The following ATP10B variants were observed in gnomAD, a reference collection of about 807,000 sequenced individuals.
The protein encoded by ATP10B is phospholipid-transporting ATPase VB.
ATP10B carries 122 observed loss-of-function variants against 141.2 expected under a neutral mutation model. That is an observed-to-expected ratio of 0.86 (90% CI 0.75 to 1.00). The LOEUF is 1.00. Ranked by LOEUF, ATP10B falls within the 50% of genes least tolerant of loss-of-function variation. The pLI, the probability that ATP10B is intolerant of heterozygous loss-of-function variation, is 0.00. For missense variants in ATP10B, 1,876 were observed against 1,825.3 expected, an observed-to-expected ratio of 1.03 and a Z score of -0.51; for synonymous variants, 685 against 692.0, an observed-to-expected ratio of 0.99 and a Z score of 0.16.
intron 7 of ATP10B, among the ~76,000 whole-genome samples, chr5:160,656,634 T>G (rs540101082): frequency 6.6e-6 from 1 of 152,328 alleles, no homozygotes; most frequent in African/African-American, 2.4e-5. Flanking sequence ...TAGCTTTTGG[T>G]TTTAATATAT....
At chr5:160,890,245 A>T in the ATP10B span, among the ~76,000 whole-genome samples, 2 of 152,354 alleles carry the variant, frequency 1.3e-5, no homozygotes, top group African/African-American at 4.8e-5. Context: ...GATGTTCTTT[A>T]TGGACTAAGT....
chr5:160,770,275 C>T lies in ATP10B; in HGVS notation c.-331+15284G>A, dbSNP rs74646564. On this transcript the variant is annotated intron_variant, in intron 2 of 25. Coordinates refer to ENST00000327245, the MANE Select transcript of ATP10B (RefSeq NM_025153.3). ...GGATGCCACTGGCTAGTTGCCCTTCCTCTGCAATTTTGTCTTTACTCTCTT... is the reference window on the plus strand; with the variant it reads ...GGATGCCACTGGCTAGTTGCCCTTCTTCTGCAATTTTGTCTTTACTCTCTT... Among the ~76,000 whole-genome samples the T allele has an allele frequency of 7.9e-3, 1,201 of 152,014 alleles. 8 individuals are homozygous for T. Among genetic ancestry groups the T allele is most frequent in the Non-Finnish European group, 0.013 (856 of 67,962 alleles).
intron 22 of ATP10B, among the ~76,000 whole-genome samples, chr5:160,598,179 C>T (rs1279961254): frequency 6.6e-6 from 1 of 151,646 alleles, no homozygotes; most frequent in African/African-American, 2.4e-5. Context: ...AAATGTGGCA[C>T]ATATACACCA....
chr5:160,738,800 A>T (rs1329799415), intron 2 of ATP10B, among the ~76,000 whole-genome samples: 1 of 152,194 alleles, frequency 6.6e-6, no homozygotes, highest in Non-Finnish European at 1.5e-5. Context: ...TAAGAATTTC[A>T]TGTAACATTT....
At chr5:160,620,110 C>T (rs913853885) in intron 15 of ATP10B, among the ~76,000 whole-genome samples, 1 of 152,202 alleles carries the variant, frequency 6.6e-6, no homozygotes, top group African/African-American at 2.4e-5. Context: ...TGTTTATCTG[C>T]TACAAGACTG....
chr5:160,881,659 A>G, the ATP10B span, among the ~76,000 whole-genome samples: 1 of 152,206 alleles, frequency 6.6e-6, no homozygotes, highest in East Asian at 1.9e-4. Context: ...AAAAATATAA[A>G]AAATTATCCG....
intron 17 of ATP10B, among the ~76,000 whole-genome samples, chr5:160,613,378 A>G (rs1757827961): frequency 6.6e-6 from 1 of 152,184 alleles, no homozygotes; most frequent in South Asian, 2.1e-4. Context: ...CCAGAAAAGG[A>G]GCTTAGGGGT....
intron 7 of ATP10B, among the ~76,000 whole-genome samples, chr5:160,654,807 A>G (rs1245845888): frequency 3.3e-5 from 5 of 152,226 alleles, no homozygotes; most frequent in Admixed American, 6.5e-5. Context: ...TAAGTATTTT[A>G]TACATGCCAT....
chr5:160,806,266 G>A (rs1772764958), intron 1 of ATP10B, among the ~76,000 whole-genome samples: 1 of 152,324 alleles, frequency 6.6e-6, no homozygotes, highest in Non-Finnish European at 1.5e-5. Context: ...ATCACAGAGG[G>A]ATTCCATGTA....
Position 160,785,566 on chromosome 5 carries a change from G to A in ATP10B, c.-338C>T. On this transcript the variant is annotated 5_prime_UTR_variant, in exon 2 of 26. Coordinates refer to ENST00000327245, the MANE Select transcript of ATP10B (RefSeq NM_025153.3). ...AAGAAGTAAAGATAGTACCTGATAG[G>A]TAGATTTCAAGTCTTGTTCCTCTTT... is the stretch of plus-strand genomic sequence containing the variant. 5 of 753,436 alleles carry A rather than the reference G, an allele frequency of 6.6e-6. No homozygotes were observed. The highest frequency in any genetic ancestry group is 1.0e-5 in the Non-Finnish European group (5 of 499,598). 46.7% of individuals were successfully genotyped at this position (753,436 alleles called of 1,614,324 possible). A position where few individuals can be genotyped will look rare whatever the true frequency, so the allele number is the denominator to read the frequency against.
At position 160,785,746 on chromosome 5, in the gene ATP10B, G is replaced by A. The variant is rs1771098323; in HGVS notation, c.-518C>T. The A allele has an allele frequency of 1.7e-6, 2 of 1,201,600 alleles. No homozygotes were observed. The highest frequency in any genetic ancestry group is 2.1e-6 in the Non-Finnish European group (2 of 930,544). 74.4% of individuals were successfully genotyped at this position (1,201,600 alleles called of 1,614,324 possible). ...GGAAAAACTACTTACTCTTCACACT[G>A]TTGCTTTCATTGAAACAAATGTCAC... On this transcript the variant is annotated 5_prime_UTR_variant, in exon 2 of 26. Transcript: ENST00000327245.
At chr5:160,733,746 A>G (rs1158981420) in intron 2 of ATP10B, among the ~76,000 whole-genome samples, 2 of 151,582 alleles carry the variant, frequency 1.3e-5, no homozygotes, top group Non-Finnish European at 2.9e-5. Flanking sequence ...AATGATTAGA[A>G]CAACATGTTT....
rs760769467 is a variant in ATP10B, at chr5:160,687,945, G to A, written c.130C>T (p.Gln44Ter). The A allele has an allele frequency of 3.1e-6, 5 of 1,614,038 alleles. No homozygotes were observed. The highest frequency in any genetic ancestry group is 2.5e-6 in the Non-Finnish European group (3 of 1,180,042). ...TTGTTGGGGAACACGACCCGCTGCT[G>A]TGTCAAGTTGTAGCTCTGTCTCCCT... The part of the protein sequence containing the change: ...EKGRQSYNLT[Q>*]QRVVFPNNSI... The change falls in exon 5 of 26, where the codon CAG becomes TAG. Residue 44 changes from glutamine to a stop codon, truncating the protein, a stop_gained. Transcript: ENST00000327245. LOFTEE classifies it high-confidence loss of function.
chr5:160,858,583 T>C, the ATP10B span, among the ~76,000 whole-genome samples: 5 of 152,002 alleles, frequency 3.3e-5, no homozygotes, highest in Admixed American at 2.0e-4. Flanking sequence ...CATGTTTTAA[T>C]TGGCATAATC....
intron 1 of ATP10B, among the ~76,000 whole-genome samples, chr5:160,794,579 A>G (rs1175673022): frequency 6.6e-6 from 1 of 152,174 alleles, no homozygotes; most frequent in East Asian, 1.9e-4. Flanking sequence ...GTGGTGGTAC[A>G]TTTTGGCACA....
chr5:160,793,176 C>T (rs1350109264), intron 1 of ATP10B, among the ~76,000 whole-genome samples: 1 of 150,578 alleles, frequency 6.6e-6, no homozygotes, highest in Non-Finnish European at 1.5e-5. Flanking sequence ...GTATTTTTGC[C>T]ATTTGAAACT....
chr5:160,666,823 G>T (rs971315747), intron 7 of ATP10B, among the ~76,000 whole-genome samples: 2 of 152,166 alleles, frequency 1.3e-5, no homozygotes, highest in South Asian at 2.1e-4. Context: ...TATGTGGAAA[G>T]AATCCTGGCA....
rs9647577 is a variant in ATP10B at position 160,783,598 on chromosome 5, T to C, written c.-331+1961A>G. On this transcript the variant is annotated intron_variant, in intron 2 of 25. Coordinates refer to ENST00000327245, the MANE Select transcript of ATP10B (RefSeq NM_025153.3). ...ACACACACACACACACACACACACATACACACACACACCACAGTTTCTTCA... is the reference window on the plus strand; with the variant it reads ...ACACACACACACACACACACACACACACACACACACACCACAGTTTCTTCA... Among the ~76,000 whole-genome samples the C allele has an allele frequency of 4.6e-3, 359 of 77,944 alleles. 1 individual carries two copies. Among genetic ancestry groups the C allele is most frequent in the African/African-American group, 8.5e-3 (192 of 22,536 alleles). The allele number at this position is 77,944 out of a possible 152,430, so 51.1% of individuals were successfully genotyped here.
intron 22 of ATP10B, among the ~76,000 whole-genome samples, chr5:160,594,686 G>A (rs1177063940): frequency 6.6e-6 from 1 of 150,986 alleles, no homozygotes; most frequent in Non-Finnish European, 1.5e-5. Context: ...ATAAAAGGAT[G>A]GAGGAAGATC....
Sources: allele counts gnomAD v4.1 joint callset (sites outside exome capture counted in the v4.1 genomes callset), GRCh38; gene constraint gnomAD v4.1.1; transcripts MANE v1.5; gene names NCBI Gene and HGNC (gene_info 2026-07-23, HGNC 2026-07-21).